The following LIMCH1 variants were observed in gnomAD, a reference collection of about 807,000 sequenced individuals.
LIMCH1 encodes the protein LIM and calponin homology domains-containing protein 1.
A neutral mutation model predicts 176.5 loss-of-function variants in LIMCH1; 113 were observed. That is an observed-to-expected ratio of 0.64 (90% CI 0.55 to 0.75). The LOEUF (loss-of-function observed/expected upper bound fraction) is 0.75, where lower values mean the gene tolerates loss of function less well. LIMCH1 is among the 30% of genes least tolerant of loss of function. LIMCH1 has a pLI of 0.00. For synonymous variants in LIMCH1, 619 were observed against 645.9 expected (o/e 0.96, Z 0.63); for missense variants, 1,674 against 1,814.9 (o/e 0.92, Z 1.41).
In LIMCH1 at chr4:41,648,027, G is replaced by A. The variant is rs1019651083; in HGVS notation, c.2820+1134G>A. Among the ~76,000 whole-genome samples, 17 of 152,156 alleles carry A rather than the reference G, an allele frequency of 1.1e-4. 1 individual carries two copies. The highest frequency in any genetic ancestry group is 6.6e-4 in the Admixed American group (10 of 15,262). On this transcript the variant is annotated intron_variant, in intron 17 of 31. Transcript: ENST00000503057. ...ATAAGTGAATTTTTCCTGAGAAGAT[G>A]AGCTACTAATCATATGGACTCACAC...
intron 1 of LIMCH1, among the ~76,000 whole-genome samples, chr4:41,480,060 C>T (rs963332846): frequency 6.6e-6 from 1 of 152,066 alleles, no homozygotes; most frequent in African/African-American, 2.4e-5. Flanking sequence ...AATAGAACTA[C>T]CATTTTTGCA....
At chr4:41,686,620 C>G (rs1399785331) in intron 28 of LIMCH1, among the ~76,000 whole-genome samples, 13 of 152,188 alleles carry the variant, frequency 8.5e-5, no homozygotes, top group Admixed American at 7.9e-4. Flanking sequence ...CAGCCACTTG[C>G]CTACATTGGA....
chr4:41,576,333 A>G (rs369998627), intron 1 of LIMCH1, among the ~76,000 whole-genome samples: 33 of 152,314 alleles, frequency 2.2e-4, no homozygotes, highest in African/African-American at 7.5e-4. Flanking sequence ...TAAAGGCAAT[A>G]CTTGCTTATG....
At chr4:41,489,224 C>T (rs1224144445) in intron 1 of LIMCH1, among the ~76,000 whole-genome samples, 2 of 152,082 alleles carry the variant, frequency 1.3e-5, no homozygotes, top group Non-Finnish European at 2.9e-5. Flanking sequence ...ACTAATGTAG[C>T]CAAAGGTTTC....
intron 1 of LIMCH1, among the ~76,000 whole-genome samples, chr4:41,561,493 C>T (rs1422869412): frequency 6.6e-6 from 1 of 152,080 alleles, no homozygotes; most frequent in East Asian, 1.9e-4. Context: ...AATGTATAGT[C>T]GCTGCTCTTG....
intron 21 of LIMCH1, 82 bp from the exon 22 acceptor site, chr4:41,671,472 C>A (rs778476627): frequency 8.2e-6 from 9 of 1,094,330 alleles, no homozygotes; most frequent in Non-Finnish European, 6.8e-6. Flanking sequence ...AGGAACTATA[C>A]TCCACTGATA....
At chr4:41,598,665 G>T (rs1033793007) in intron 1 of LIMCH1, among the ~76,000 whole-genome samples, 1 of 152,116 alleles carries the variant, frequency 6.6e-6, no homozygotes, top group Non-Finnish European at 1.5e-5. Context: ...CTTTTTAATG[G>T]CATTTTACTT....
intron 1 of LIMCH1, among the ~76,000 whole-genome samples, chr4:41,592,989 A>G (rs2087937088): frequency 6.6e-6 from 1 of 152,192 alleles, no homozygotes; most frequent in African/African-American, 2.4e-5. Flanking sequence ...AGCACATTGA[A>G]TTGAGTTTAT....
At chr4:41,510,891 A>G (rs776522308) in intron 2 of LIMCH1, among the ~76,000 whole-genome samples, 19 of 152,260 alleles carry the variant, frequency 1.2e-4, no homozygotes, top group Non-Finnish European at 2.5e-4. Flanking sequence ...ACCCGACCAA[A>G]TGATTTCTTT....
At chr4:41,625,236 T>C (rs1215259356) in intron 7 of LIMCH1, among the ~76,000 whole-genome samples, 1 of 152,160 alleles carries the variant, frequency 6.6e-6, no homozygotes, top group Non-Finnish European at 1.5e-5. Flanking sequence ...AAAGTTAGTG[T>C]ATCTGGAATG....
intron 1 of LIMCH1, among the ~76,000 whole-genome samples, chr4:41,547,724 A>G: frequency 6.9e-6 from 1 of 145,972 alleles, no homozygotes; most frequent in African/African-American, 2.5e-5. Flanking sequence ...ACATATATAC[A>G]TATATAATAT....
chr4:41,471,531 G>A (rs890395609), intron 1 of LIMCH1, among the ~76,000 whole-genome samples: 2 of 152,174 alleles, frequency 1.3e-5, no homozygotes, highest in African/African-American at 4.8e-5. Context: ...TGAGGCTCTT[G>A]CCGTAATTGC....
At chr4:41,500,122 G>C (rs756561050) in intron 2 of LIMCH1, among the ~76,000 whole-genome samples, 1 of 152,218 alleles carries the variant, frequency 6.6e-6, no homozygotes, top group Admixed American at 6.5e-5. Flanking sequence ...GTGATAATTG[G>C]TCAAGGTGAT....
chr4:41,523,692 C>G (rs567664444), intron 2 of LIMCH1, among the ~76,000 whole-genome samples: 5 of 152,312 alleles, frequency 3.3e-5, no homozygotes, highest in Middle Eastern at 3.4e-3. Flanking sequence ...TGTTTCTCTT[C>G]ACTCTGGGTT....
At position 41,692,354 on chromosome 4, in the gene LIMCH1, A is replaced by C; in HGVS notation, c.4348A>C (p.Asn1450His). Residue 1450 changes from asparagine (N) to histidine (H), a missense_variant, in exon 31 of 32, where the codon AAC (asparagine) becomes CAC (histidine). Physicochemically the swap from Asn to His is moderately conservative, Grantham distance 68. This residue lies in a region of LIMCH1 where 1,015 missense variants were observed against 1,102.5 expected (regional missense o/e 0.92). Coordinates refer to ENST00000503057, the MANE Select transcript of LIMCH1 (RefSeq NM_001330672.2). Reference protein sequence around the residue: ...TDVRIRNGLLNCNDCYMRSRS... With the variant: ...TDVRIRNGLLHCNDCYMRSRS... ...TGTTAGGATTCGAAATGGTCTCCTG[A>C]ACTGTAATGATTGCTACATGCGATC... 2 of 1,612,700 alleles carry C rather than the reference A, an allele frequency of 1.2e-6. No individual in the cohort carries two copies. Among genetic ancestry groups the C allele is most frequent in the South Asian group, 1.1e-5 (1 of 91,044 alleles).
intron 1 of LIMCH1, among the ~76,000 whole-genome samples, chr4:41,469,116 A>T (rs1233851586): frequency 1.3e-5 from 2 of 152,158 alleles, no homozygotes; most frequent in South Asian, 2.1e-4. Flanking sequence ...ACTGAGGATG[A>T]TAATTCCTTT....
At chr4:41,509,547 G>A (rs1279622842) in intron 2 of LIMCH1, among the ~76,000 whole-genome samples, 6 of 152,132 alleles carry the variant, frequency 3.9e-5, no homozygotes, top group African/African-American at 1.2e-4. Context: ...CAGCTGTTTG[G>A]CACCAAGACT....
At chr4:41,394,568 G>A (rs894628914) in intron 1 of LIMCH1, among the ~76,000 whole-genome samples, 1 of 152,168 alleles carries the variant, frequency 6.6e-6, no homozygotes, top group African/African-American at 2.4e-5. Context: ...GGGAAGGAGT[G>A]TAGAAGTGAA....
intron 2 of LIMCH1, among the ~76,000 whole-genome samples, chr4:41,504,268 C>T (rs1408953835): frequency 6.6e-6 from 1 of 152,156 alleles, no homozygotes; most frequent in Non-Finnish European, 1.5e-5. Flanking sequence ...GGCATTAGTC[C>T]TGATATCTCT....
Sources: allele counts gnomAD v4.1 joint callset (sites outside exome capture counted in the v4.1 genomes callset), GRCh38; gene constraint gnomAD v4.1.1; regional missense constraint gnomAD v4.1.1; transcripts MANE v1.5; gene names NCBI Gene and HGNC (gene_info 2026-07-23, HGNC 2026-07-21).